Variants in KIAA0753 observed in about 807,000 individuals in gnomAD.
KIAA0753 encodes KIAA0753.
Under a neutral mutation model 116.9 loss-of-function variants are expected in KIAA0753, and 114 were observed. The ratio of observed to expected loss-of-function variants is 0.98; its 90% CI spans 0.84 to 1.14. The LOEUF is 1.14. KIAA0753 is among the 50% of genes most tolerant of loss of function. The probability of loss-of-function intolerance (pLI) is 0.00; values close to 1 mark genes in which losing one functional copy is unlikely to be tolerated. For missense variants in KIAA0753, 1,156 were observed against 1,172.4 expected (o/e 0.99, Z 0.20); for synonymous variants, 405 against 413.1 (o/e 0.98, Z 0.24).
rs750740421 is a variant in KIAA0753, at chr17:6,596,183, A to G, written c.2333T>C (p.Met778Thr). 36 of 1,613,806 alleles carry G rather than the reference A, an allele frequency of 2.2e-5. No homozygotes were observed. Among genetic ancestry groups the G allele is most frequent in the Non-Finnish European group, 3.0e-5 (35 of 1,179,838 alleles). Residue 778 changes from methionine to threonine, a missense_variant, in exon 15 of 19, where the codon ATG (methionine) becomes ACG (threonine). Coordinates refer to ENST00000361413, the MANE Select transcript of KIAA0753 (RefSeq NM_014804.3). ...DSKDSPDLEI[M>T]MRRMEEMEKY... ...TTCCATCTCTTCCATTCGGCGCATCATGATCTCCAGATCTGGGCTATCCTT... is the reference window on the plus strand; with the variant it reads ...TTCCATCTCTTCCATTCGGCGCATCGTGATCTCCAGATCTGGGCTATCCTT...
chr17:6,631,417 TAA>T (rs1487373428), intron 2 of KIAA0753, among the ~76,000 whole-genome samples: 1 of 152,188 alleles, frequency 6.6e-6, no homozygotes, highest in African/African-American at 2.4e-5. Context: ...AGCAAAAAAG[TAA>T]ATATATTGTG....
At chr17:6,627,129 ATTGT>A (rs1831901099) in intron 3 of KIAA0753, among the ~76,000 whole-genome samples, 1 of 152,126 alleles carries the variant, frequency 6.6e-6, no homozygotes, top group Non-Finnish European at 1.5e-5. Context: ...TCCTTACACA[ATTGT>A]TTTTTTCTGT....
intron 17 of KIAA0753, 53 bp from the exon 18 acceptor site, chr17:6,590,056 T>C: frequency 7.5e-7 from 1 of 1,332,468 alleles, no homozygotes; most frequent in Non-Finnish European, 1.0e-6. Context: ...TAAGCAAGAC[T>C]AAACTGTTAA....
At chr17:6,613,696 CAG>C (rs1427970960) in intron 7 of KIAA0753, among the ~76,000 whole-genome samples, 2 of 152,030 alleles carry the variant, frequency 1.3e-5, no homozygotes, top group Non-Finnish European at 2.9e-5. Context: ...AAAAATAAAA[CAG>C]AATCCTTGCC....
At chr17:6,610,826 A>G (rs35193178) in intron 8 of KIAA0753, among the ~76,000 whole-genome samples, 44,531 of 152,030 alleles carry the variant, frequency 0.29, 7,879 homozygotes, top group African/African-American at 0.49. Context: ...GAATGAATCT[A>G]GCGATTTAAA....
chr17:6,588,602 T>C (rs1344384939), intron 18 of KIAA0753, among the ~76,000 whole-genome samples: 2 of 152,120 alleles, frequency 1.3e-5, no homozygotes, highest in Non-Finnish European at 2.9e-5. Flanking sequence ...AGTTAACAAA[T>C]ATATAAAATA....
chr17:6,607,971 A>G (rs1312194507), intron 10 of KIAA0753, among the ~76,000 whole-genome samples: 1 of 152,198 alleles, frequency 6.6e-6, no homozygotes, highest in Non-Finnish European at 1.5e-5. Context: ...ACCGTGTTCT[A>G]TCTTAAATTA....
chr17:6,631,129 A>G (rs973745989), intron 2 of KIAA0753, among the ~76,000 whole-genome samples: 1 of 151,996 alleles, frequency 6.6e-6, no homozygotes, highest in East Asian at 1.9e-4. Context: ...GAAAGGAAGG[A>G]AAAAAAAATC....
chr17:6,585,104 T>A (rs1968471555), intron 18 of KIAA0753, among the ~76,000 whole-genome samples: 2 of 151,854 alleles, frequency 1.3e-5, no homozygotes, highest in South Asian at 4.2e-4. Flanking sequence ...TAAAAATGTT[T>A]CTATTCTATC....
chr17:6,610,823 T>A (rs1415628719), intron 8 of KIAA0753, among the ~76,000 whole-genome samples: 1 of 152,280 alleles, frequency 6.6e-6, no homozygotes, highest in Non-Finnish European at 1.5e-5. Context: ...ATAGAATGAA[T>A]CTAGCGATTT....
At chr17:6,595,748 A>G (rs1001254943) in intron 15 of KIAA0753, among the ~76,000 whole-genome samples, 6 of 152,212 alleles carry the variant, frequency 3.9e-5, no homozygotes, top group Admixed American at 1.3e-4. Flanking sequence ...AGATAAAATT[A>G]TCTGTGATTT....
At chr17:6,640,355 G>A (rs1010308266) in intron 1 of KIAA0753, 4 of 152,856 alleles carry the variant, frequency 2.6e-5, no homozygotes, top group African/African-American at 9.6e-5. Flanking sequence ...CCGCGGCCCT[G>A]GGGGATGTCT....
rs746157275 is a variant in KIAA0753, at chr17:6,623,075, G to A, written c.911C>T (p.Ala304Val). ...CCGAATGGCTCCTCGATGGGCAGCC[G>A]CCAGCTTAGACATTGCCCATGACTG... Reference protein sequence around the residue: ...TKKSWAMSKLAAAHRGAIRAL... With the variant: ...TKKSWAMSKLVAAHRGAIRAL... Residue 304 changes from alanine (A) to valine (V), a missense_variant, in exon 6 of 19, where the codon GCG becomes GTG. Ala to Val is a moderately conservative substitution (Grantham distance 64, BLOSUM62 0). Coordinates refer to ENST00000361413, the MANE Select transcript of KIAA0753 (RefSeq NM_014804.3). 1.5e-5 allele frequency: 25 copies of A among 1,613,276 alleles called. No homozygotes were observed. Among genetic ancestry groups the A allele is most frequent in the South Asian group, 1.1e-4 (10 of 91,016 alleles).
chr17:6,607,468 G>A (rs563177153), intron 10 of KIAA0753, among the ~76,000 whole-genome samples, 198 bp from the exon 11 acceptor site: 1 of 152,248 alleles, frequency 6.6e-6, no homozygotes, highest in East Asian at 1.9e-4. Context: ...AAACATTAAT[G>A]CACAACGCAA....
chr17:6,593,496 C>G (rs1969236824), intron 16 of KIAA0753, among the ~76,000 whole-genome samples: 1 of 152,116 alleles, frequency 6.6e-6, no homozygotes, highest in Non-Finnish European at 1.5e-5. Context: ...TGGCTCACAC[C>G]TGGAATCCCA....
chr17:6,607,591 G>A (rs548790855), intron 10 of KIAA0753, among the ~76,000 whole-genome samples: 16 of 152,280 alleles, frequency 1.1e-4, no homozygotes, highest in African/African-American at 3.4e-4. Flanking sequence ...CAAACAATGA[G>A]CCCCCAGGAG....
intron 2 of KIAA0753, among the ~76,000 whole-genome samples, chr17:6,633,034 G>A (rs12939169): frequency 0.69 from 105,628 of 152,056 alleles, 37,574 homozygotes; most frequent in African/African-American, 0.87. Flanking sequence ...TGATGGTATC[G>A]ATTTAATGTT....
At chr17:6,607,399 A>C in intron 10 of KIAA0753, 129 bp from the exon 11 acceptor site, 1 of 684,062 alleles carries the variant, frequency 1.5e-6, no homozygotes, top group Non-Finnish European at 2.6e-6. Flanking sequence ...TAAGCTACTC[A>C]GTAGGTAACA....
intron 7 of KIAA0753, among the ~76,000 whole-genome samples, chr17:6,617,983 TC>T (rs1971046091): frequency 6.6e-6 from 1 of 152,122 alleles, no homozygotes; most frequent in Non-Finnish European, 1.5e-5. Context: ...ATGCCTGTAA[TC>T]CCAGCTACTC....
Sources: allele counts gnomAD v4.1 joint callset (sites outside exome capture counted in the v4.1 genomes callset), GRCh38; gene constraint gnomAD v4.1.1; transcripts MANE v1.5; gene names NCBI Gene and HGNC (gene_info 2026-07-23, HGNC 2026-07-21).